The following MBNL3 variants were observed in gnomAD, a reference collection of about 807,000 sequenced individuals.
The protein encoded by MBNL3 is muscleblind-like protein 3.
MBNL3 carries 6 observed loss-of-function variants against 24.5 expected under a neutral mutation model. The ratio of observed to expected loss-of-function variants is 0.25; its 90% confidence interval spans 0.13 to 0.48. MBNL3 has a LOEUF of 0.48. Ranked by LOEUF, MBNL3 falls within the 20% of genes least tolerant of loss-of-function variation. MBNL3 has a pLI of 0.99. For synonymous variants in MBNL3, 100 were observed against 101.7 expected, an observed-to-expected ratio of 0.98 and a Z score of 0.10; for missense variants, 230 against 293.5, an observed-to-expected ratio of 0.78 and a Z score of 1.58.
chrX:132,396,906 A>ATATT (rs1491575601), intron 3 of MBNL3, among the ~76,000 whole-genome samples: 13 of 69,241 alleles, frequency 1.9e-4, no homozygotes, highest in Non-Finnish European at 2.8e-4. Context: ...ATTCATATAT[A>ATATT]CATATATACA....
chrX:132,450,526 G>A (rs1190479991), intron 1 of MBNL3, among the ~76,000 whole-genome samples: 2 of 111,509 alleles, frequency 1.8e-5, no homozygotes, highest in African/African-American at 3.3e-5. Flanking sequence ...GATCATTTAT[G>A]TTCTTCTCTA....
chrX:132,452,274 A>T (rs1946155687), intron 1 of MBNL3, among the ~76,000 whole-genome samples: 1 of 112,611 alleles, frequency 8.9e-6, no homozygotes, highest in Non-Finnish European at 1.9e-5. Context: ...CAGTGCCATT[A>T]AAAGGTCTTC....
chrX:132,411,180 C>G, intron 2 of MBNL3: 1 of 754,373 alleles, frequency 1.3e-6, no homozygotes, highest in South Asian at 6.7e-5. Flanking sequence ...GCAGCCAGCA[C>G]TGTACCCACC....
intron 5 of MBNL3, among the ~76,000 whole-genome samples, chrX:132,389,247 G>A (rs754816710): frequency 6.2e-5 from 7 of 112,100 alleles, no homozygotes; most frequent in Admixed American, 4.7e-4. Flanking sequence ...GTTCTACTTT[G>A]GTGCTCAGAT....
chrX:132,450,383 A>G (rs1391616516), intron 1 of MBNL3, among the ~76,000 whole-genome samples: 1 of 110,290 alleles, frequency 9.1e-6, no homozygotes, highest in Non-Finnish European at 1.9e-5. Flanking sequence ...TTTTTCTCTA[A>G]TCTTGTCTTC....
At chrX:132,392,109 T>C in intron 4 of MBNL3, 34 bp downstream of exon 4, 1 of 1,101,664 alleles carries the variant, frequency 9.1e-7, no homozygotes, top group Non-Finnish European at 1.2e-6. Flanking sequence ...TTAATATCTA[T>C]TCTACAGGTA....
At chrX:132,379,709 AGT>A in intron 8 of MBNL3, 32 bp from the exon 9 acceptor site, 1 of 1,093,895 alleles carries the variant, frequency 9.1e-7, no homozygotes, top group Non-Finnish European at 1.3e-6. Context: ...AGAAAGAAAG[AGT>A]GAGAAATATT....
At chrX:132,476,879 A>G (rs755621658) in intron 1 of MBNL3, among the ~76,000 whole-genome samples, 32 of 111,843 alleles carry the variant, frequency 2.9e-4, no homozygotes, top group African/African-American at 8.8e-4. Flanking sequence ...ACAGTCAACT[A>G]CATGCTTGTT....
intron 2 of MBNL3, among the ~76,000 whole-genome samples, chrX:132,419,017 A>G (rs988941602): frequency 8.9e-6 from 1 of 112,645 alleles, no homozygotes; most frequent in Non-Finnish European, 1.9e-5. Flanking sequence ...CAAGCGATCC[A>G]CCTGCCTCAG....
chrX:132,387,782 T>C (rs1312165226), intron 5 of MBNL3, among the ~76,000 whole-genome samples: 3 of 112,288 alleles, frequency 2.7e-5, no homozygotes, highest in African/African-American at 9.7e-5. Flanking sequence ...AGAGGCTTGC[T>C]GTCCATTTCG....
intron 2 of MBNL3, among the ~76,000 whole-genome samples, chrX:132,410,841 G>T (rs962237145): frequency 5.4e-5 from 6 of 112,055 alleles, no homozygotes; most frequent in Admixed American, 2.8e-4. Context: ...CCTGAGTCAA[G>T]ATCAACATAC....
At chrX:132,396,946 A>G (rs1322556397) in intron 3 of MBNL3, among the ~76,000 whole-genome samples, 1 of 80,974 alleles carries the variant, frequency 1.2e-5, no homozygotes, top group East Asian at 3.6e-4. Context: ...TCATATATAT[A>G]TTCATATATA....
intron 2 of MBNL3, among the ~76,000 whole-genome samples, chrX:132,438,567 CTTAA>C (rs1945239434): frequency 9.1e-6 from 1 of 110,402 alleles, no homozygotes; most frequent in African/African-American, 3.3e-5. Context: ...TGTAGCAAAT[CTTAA>C]TTAAACCAGA....
intron 2 of MBNL3, chrX:132,431,434 T>C (rs1305440143): frequency 8.9e-6 from 1 of 112,105 alleles, no homozygotes; most frequent in East Asian, 2.8e-4. Flanking sequence ...AGTTTCTTGC[T>C]CAAGTTATTC....
intron 2 of MBNL3, among the ~76,000 whole-genome samples, chrX:132,437,556 G>C (rs897463003): frequency 1.8e-5 from 2 of 111,834 alleles, no homozygotes; most frequent in African/African-American, 6.5e-5. Flanking sequence ...TACAGATGAA[G>C]TTACTCAAGG....
intron 3 of MBNL3, among the ~76,000 whole-genome samples, chrX:132,404,218 T>C (rs983386385): frequency 8.9e-6 from 1 of 112,086 alleles, no homozygotes; most frequent in Non-Finnish European, 1.9e-5. Context: ...CACTTTAAAA[T>C]ATACACAATT....
chrX:132,434,307 T>C (rs1009327106), intron 2 of MBNL3, among the ~76,000 whole-genome samples: 1 of 112,390 alleles, frequency 8.9e-6, no homozygotes, highest in Non-Finnish European at 1.9e-5. Context: ...CCATTTTCCC[T>C]TGCTCTCTTT....
chrX:132,399,639 G>A (rs1940502194), intron 3 of MBNL3, among the ~76,000 whole-genome samples: 1 of 109,784 alleles, frequency 9.1e-6, no homozygotes, highest in Non-Finnish European at 1.9e-5. Context: ...AGAAGACCAC[G>A]GAAAGAAGGG....
intron 5 of MBNL3, among the ~76,000 whole-genome samples, chrX:132,389,246 T>G (rs753395480): frequency 1.8e-5 from 2 of 112,432 alleles, no homozygotes; most frequent in Non-Finnish European, 3.8e-5. Flanking sequence ...TGTTCTACTT[T>G]GGTGCTCAGA....
Sources: allele counts gnomAD v4.1 joint callset (sites outside exome capture counted in the v4.1 genomes callset), GRCh38; gene constraint gnomAD v4.1.1; transcripts MANE v1.5; gene names NCBI Gene and HGNC (gene_info 2026-07-23, HGNC 2026-07-21).